Variants in DOCK6 observed in about 807,000 individuals in gnomAD.
DOCK6 encodes dedicator of cytokinesis protein 6.
DOCK6 carries 167 observed loss-of-function variants against 230.3 expected under a neutral mutation model. The observed-to-expected ratio is 0.73, with a 90% CI of 0.64 to 0.82. The LOEUF is 0.82. DOCK6 is among the 40% of genes least tolerant of loss of function. DOCK6 has a pLI of 0.00. For missense variants in DOCK6, 2,598 were observed against 2,825.8 expected (o/e 0.92, Z 1.83); for synonymous variants, 1,148 against 1,185.0 (o/e 0.97, Z 0.64).
At position 11,222,084 on chromosome 19, in the gene DOCK6, G is replaced by A; in HGVS notation, c.3380+25C>T. The A allele has an allele frequency of 6.2e-7, 1 of 1,609,782 alleles. No homozygotes were observed. Among genetic ancestry groups the A allele is most frequent in the Non-Finnish European group, 8.5e-7 (1 of 1,176,982 alleles). ...GCTCCTGGACTGTCCCACCTGTCCT[G>A]GGGCTAGACAGGAGCTCTGCTCACC... On this transcript the variant is annotated intron_variant, in intron 27 of 47. Transcript: ENST00000294618. The surrounding 1 kb of genome is among the most constrained non-coding windows in gnomAD (Gnocchi z 4.0).
chr19:11,208,441 C>T (rs546113917), intron 39 of DOCK6: 34 of 381,672 alleles, frequency 8.9e-5, no homozygotes, highest in Admixed American at 6.5e-4. Flanking sequence ...CCACCACGCC[C>T]GGCTAATTTT....
At chr19:11,203,787 G>T in intron 41 of DOCK6, 1 of 544,746 alleles carries the variant, frequency 1.8e-6, no homozygotes, top group East Asian at 3.1e-5. Context: ...AGGGAGTCAA[G>T]AGTCACCCCG....
At chr19:11,235,786 C>A in intron 20 of DOCK6, 27 bp from the exon 21 acceptor site, 1 of 1,565,044 alleles carries the variant, frequency 6.4e-7, no homozygotes, top group South Asian at 1.2e-5. Flanking sequence ...AGGTCAAGTT[C>A]CAGGGCCCAA....
rs540074948 is a variant in DOCK6, at chr19:11,237,580, G to C, written c.1972-23C>G. 6.2e-6 allele frequency: 10 copies of C among 1,604,346 alleles called. No homozygotes were observed. The Admixed American group carries it at 1.2e-4, about 19-fold the overall frequency. On this transcript the variant is annotated intron_variant, in intron 17 of 47. Coordinates refer to ENST00000294618, the MANE Select transcript of DOCK6 (RefSeq NM_020812.4). ...CCACTGGGGAGAGGCTGGAGGTCAG[G>C]TCTGCGGCCAGGTTGGGGGACGAGG...
At chr19:11,212,182 G>C (rs753965958) in intron 35 of DOCK6, 31 bp from the exon 36 acceptor site, 3 of 1,592,694 alleles carry the variant, frequency 1.9e-6, no homozygotes, top group Non-Finnish European at 1.7e-6. Context: ...GGGTGGAGCC[G>C]GGAGTCTCAG....
rs1448361685 is a variant in DOCK6 at position 11,199,378 on chromosome 19, C to T, written c.*119G>A. On this transcript the variant is annotated 3_prime_UTR_variant, in exon 48 of 48. Coordinates refer to ENST00000294618, the MANE Select transcript of DOCK6 (RefSeq NM_020812.4). ...GGGACACAGGGGCAGAGGGCCCAGC[C>T]CCAAGTACAGTGTGGTCACCCCACA... is the stretch of plus-strand genomic sequence containing the variant. The T allele has an allele frequency of 2.4e-6, 3 of 1,242,822 alleles. No individual in the cohort carries two copies. Among genetic ancestry groups the T allele is most frequent in the Non-Finnish European group, 3.5e-6 (3 of 867,904 alleles). The allele number at this position is 1,242,822 out of a possible 1,614,324, so 77.0% of individuals were successfully genotyped here.
At position 11,213,233 on chromosome 19, in the gene DOCK6, G is replaced by A; in HGVS notation, c.4434C>T (p.Arg1478=). 2.5e-6 allele frequency: 4 copies of A among 1,613,218 alleles called. No homozygotes were observed. The highest frequency in any genetic ancestry group is 3.4e-6 in the Non-Finnish European group (4 of 1,179,880). Residue 1478 remains arginine, a synonymous_variant, in exon 35 of 48, where the codon CGC becomes CGT. Transcript: ENST00000294618. ...GGTACAGCGAGGCGCTGGCGTGCGT[G>A]CGGATGGTGCTGATGCGGCTGCCAC... ...RHCGSRISTI[R]THASASLYLL...
Position 11,222,027 on chromosome 19 carries a change from G to T in DOCK6, c.3381-7C>A. 1 of 1,608,382 alleles carries T rather than the reference G, an allele frequency of 6.2e-7. No individual in the cohort carries two copies. The highest frequency in any genetic ancestry group is 8.5e-7 in the Non-Finnish European group (1 of 1,175,390). On this transcript the variant is annotated splice_polypyrimidine_tract_variant and splice_region_variant and intron_variant, in intron 27 of 47. Transcript: ENST00000294618. The surrounding 1 kb of genome is among the most constrained non-coding windows in gnomAD (Gnocchi z 4.0). ...CTTGTGCAACAGGAATGCCCTATGG[G>T]GTAATGAGGTGCTCAGGACAGGGTG...
chr19:11,252,840 T>A lies in DOCK6; in HGVS notation c.251A>T (p.Glu84Val). Reference protein sequence around the residue: ...DLVEFPADDLELLLQPRECRT... With the variant: ...DLVEFPADDLVLLLQPRECRT... ...GCATTCCCGGGGCTGCAGCAGCAGCTCCAAGTCATCAGCTGGGAATTCTAC... is the reference window on the plus strand; with the variant it reads ...GCATTCCCGGGGCTGCAGCAGCAGCACCAAGTCATCAGCTGGGAATTCTAC... The change falls in exon 3 of 48, where the codon GAG becomes GTG. Residue 84 changes from glutamate (E) to valine (V), a missense_variant. Glu to Val is a moderately radical substitution (Grantham distance 121). Transcript: ENST00000294618. 6.2e-7 allele frequency: 1 copy of A among 1,613,752 alleles called. No homozygotes were observed. The highest frequency in any genetic ancestry group is 8.5e-7 in the Non-Finnish European group (1 of 1,179,804).
rs1376568775 is a variant in DOCK6 at position 11,199,312 on chromosome 19, TTTAAA to T, written c.*180_*184del. On this transcript the variant is annotated 3_prime_UTR_variant, in exon 48 of 48. Coordinates refer to ENST00000294618, the MANE Select transcript of DOCK6 (RefSeq NM_020812.4). Reference sequence around the variant, plus strand: ...GGCACAGGTTGCTTATAAAAACCATTTTAAATTAAAAAAGGGAGGAAGCATCAGTG... The same window carrying T: ...GGCACAGGTTGCTTATAAAAACCATTTTAAAAAAGGGAGGAAGCATCAGTG... 2.2e-5 allele frequency: 16 copies of T among 731,046 alleles called. No homozygotes were observed. Among genetic ancestry groups the T allele is most frequent in the Non-Finnish European group, 3.4e-5 (15 of 447,536 alleles). 45.3% of individuals were successfully genotyped at this position (731,046 alleles called of 1,614,324 possible).
intron 6 of DOCK6, among the ~76,000 whole-genome samples, chr19:11,249,622 G>A (rs901278790): frequency 6.6e-5 from 10 of 151,910 alleles, no homozygotes; most frequent in Admixed American, 2.6e-4. Context: ...GAGGCCAGGC[G>A]CGGTGGCTCA....
chr19:11,232,844 G>A (rs763296218), intron 22 of DOCK6, among the ~76,000 whole-genome samples: 1 of 151,768 alleles, frequency 6.6e-6, no homozygotes, highest in Non-Finnish European at 1.5e-5. Flanking sequence ...GGGTGAATGT[G>A]TATATGCACC....
chr19:11,255,307 CTTT>C (rs34628990), intron 1 of DOCK6, among the ~76,000 whole-genome samples: 36 of 135,948 alleles, frequency 2.6e-4, no homozygotes, highest in Non-Finnish European at 3.1e-4. Flanking sequence ...TCCCGGCCTA[CTTT>C]TTTTTTTTTT....
At chr19:11,250,417 C>T (rs922535947) in intron 6 of DOCK6, among the ~76,000 whole-genome samples, 4 of 151,578 alleles carry the variant, frequency 2.6e-5, no homozygotes, top group Non-Finnish European at 5.9e-5. Flanking sequence ...CGGGTTCTGG[C>T]GATTCTCATG....
In DOCK6 at chr19:11,215,472, C is replaced by T; in HGVS notation, c.4022-1G>A. 1 of 1,612,976 alleles carries T rather than the reference C, an allele frequency of 6.2e-7. No homozygotes were observed. On this transcript the variant is annotated splice_acceptor_variant, in intron 31 of 47. Coordinates refer to ENST00000294618, the MANE Select transcript of DOCK6 (RefSeq NM_020812.4). LOFTEE classifies it high-confidence loss of function. ...TCCGGATTCCCAAACGGGCTCCTCT[C>T]TGAGACGCGTGGGTGCACGATCACA... is the stretch of plus-strand genomic sequence containing the variant.
chr19:11,201,880 C>G lies in DOCK6; in HGVS notation c.5688+9G>C, dbSNP rs373843420. 8.4e-4 allele frequency: 1,294 copies of G among 1,548,892 alleles called. 15 individuals are homozygous for G. In the Middle Eastern group the frequency reaches 0.032, roughly 39 times the overall value. On this transcript the variant is annotated intron_variant, in intron 44 of 47. Transcript: ENST00000294618. The surrounding 1 kb of genome is among the most constrained non-coding windows in gnomAD (Gnocchi z 4.3). ...CCCCACCCCCGCCAGGCCCAGGATC[C>G]CCACCCACCTCCTCCCGGTGGCACA...
intron 32 of DOCK6, 40 bp downstream of exon 32, chr19:11,215,347 C>G (rs1353568192): frequency 6.3e-7 from 1 of 1,584,758 alleles, no homozygotes; most frequent in Admixed American, 1.7e-5. Flanking sequence ...TCGGCCCAAA[C>G]TGTTCTGAAC....
At position 11,222,122 on chromosome 19, in the gene DOCK6, G is replaced by A; in HGVS notation, c.3367C>T (p.Pro1123Ser). 1 of 1,613,194 alleles carries A rather than the reference G, an allele frequency of 6.2e-7. No individual in the cohort carries two copies. Among genetic ancestry groups the A allele is most frequent in the Non-Finnish European group, 8.5e-7 (1 of 1,179,620 alleles). Residue 1123 changes from proline to serine, a missense_variant, in exon 27 of 48, where the codon CCT (proline) becomes TCT (serine). By Grantham distance (74) the Pro-to-Ser change is moderately conservative. Coordinates refer to ENST00000294618, the MANE Select transcript of DOCK6 (RefSeq NM_020812.4). This position sits in a 1 kb window ranked among gnomAD's most constrained non-coding sequence, Gnocchi z 4.0. The stretch of plus-strand genomic sequence containing the variant: ...AGCTCTGCTCACCCTTCAGCCTCAG[G>A]TTCGAGGGCCAGTGCCAGCTCCGTC... Reference protein sequence around the residue: ...LLTELALALEPEAEGAFLLHK... With the variant: ...LLTELALALESEAEGAFLLHK...
At chr19:11,258,220 T>G (rs1033123850) in intron 1 of DOCK6, among the ~76,000 whole-genome samples, 1 of 152,094 alleles carries the variant, frequency 6.6e-6, no homozygotes, top group Non-Finnish European at 1.5e-5. Context: ...TGATGCTGAG[T>G]GAACAAAGTT....
Sources: gnomAD v4.1 joint callset for allele counts (sites outside exome capture counted in the v4.1 genomes callset) on GRCh38, gnomAD v4.1.1 for gene constraint, Gnocchi (gnomAD v3.1) non-coding constraint, MANE v1.5 for transcripts, NCBI Gene and HGNC (gene_info 2026-07-23, HGNC 2026-07-21) for gene names.